LHFPL6: variants seen among roughly 807,000 people sequenced by gnomAD.
LHFPL6 encodes the protein LHFPL tetraspan subfamily member 6, also known as LHFPL tetraspan subfamily member 6 protein.
In LHFPL6, 9 loss-of-function variants were observed where a neutral mutation model predicts 20.6. The observed-to-expected ratio is 0.44, with a 90% confidence interval of 0.26 to 0.76. LHFPL6 has a LOEUF of 0.76. Ranked by LOEUF, LHFPL6 falls within the 30% of genes least tolerant of loss-of-function variation. LHFPL6 has a pLI of 0.20. For synonymous variants in LHFPL6, 105 were observed against 98.7 expected, an observed-to-expected ratio of 1.06 and a Z score of -0.38; for missense variants, 218 against 253.5, an observed-to-expected ratio of 0.86 and a Z score of 0.95.
chr13:39,546,209 T>C (rs1198888892), intron 2 of LHFPL6, among the ~76,000 whole-genome samples: 1 of 152,090 alleles, frequency 6.6e-6, no homozygotes, highest in Non-Finnish European at 1.5e-5. Flanking sequence ...TGGGGCCAGA[T>C]GACCTAGCTA....
intron 2 of LHFPL6, among the ~76,000 whole-genome samples, chr13:39,514,452 A>T (rs1869833089): frequency 6.6e-6 from 1 of 152,210 alleles, no homozygotes; most frequent in African/African-American, 2.4e-5. Context: ...TGGCATCAAC[A>T]CAGGTCCCTA....
At chr13:39,439,159 C>T (rs1872047594) in intron 2 of LHFPL6, among the ~76,000 whole-genome samples, 1 of 152,186 alleles carries the variant, frequency 6.6e-6, no homozygotes, top group African/African-American at 2.4e-5. Flanking sequence ...GTGGAATGGC[C>T]CAAGGCTTTG....
chr13:39,558,425 T>C (rs140937102), intron 2 of LHFPL6, among the ~76,000 whole-genome samples: 9 of 152,350 alleles, frequency 5.9e-5, no homozygotes, highest in Middle Eastern at 3.4e-3. Context: ...CAAAGTTCAA[T>C]AGGACATTTT....
intron 2 of LHFPL6, among the ~76,000 whole-genome samples, chr13:39,487,297 C>A (rs1309571703): frequency 1.3e-5 from 2 of 152,120 alleles, no homozygotes; most frequent in South Asian, 2.1e-4. Flanking sequence ...TTTTATAGTG[C>A]CTTTTTGGCT....
At position 39,451,982 on chromosome 13, in the gene LHFPL6, AT is replaced by A. The variant is rs1334648021; in HGVS notation, c.386-73457del. Among the ~76,000 whole-genome samples, 3 of 152,270 alleles carry A rather than the reference AT, an allele frequency of 2.0e-5. No homozygotes were observed. In the South Asian group the frequency reaches 6.2e-4, roughly 32 times the overall value. The stretch of plus-strand genomic sequence containing the variant: ...CGTGCATAAGACAAGCTTAAAAACT[AT>A]TTTTGGACCAGGGCCATGAACTGAA... On this transcript the variant is annotated intron_variant, in intron 2 of 3. Coordinates refer to ENST00000379589, the MANE Select transcript of LHFPL6 (RefSeq NM_005780.3).
intron 2 of LHFPL6, among the ~76,000 whole-genome samples, chr13:39,517,668 G>A (rs1426931316): frequency 6.6e-6 from 1 of 152,072 alleles, no homozygotes; most frequent in African/African-American, 2.4e-5. Flanking sequence ...CAGTTTCCAT[G>A]TACACCTTTT....
At position 39,374,106 on chromosome 13, in the gene LHFPL6, C is replaced by G. The variant is rs150616875; in HGVS notation, c.484+4322G>C. On this transcript the variant is annotated intron_variant, in intron 3 of 3. Coordinates refer to ENST00000379589, the MANE Select transcript of LHFPL6 (RefSeq NM_005780.3). ...TTCATCAAAGTACTCTTCACAATAGCAAGGACATGGAATTAACCTAGGTGT... is the reference window on the plus strand; with the variant it reads ...TTCATCAAAGTACTCTTCACAATAGGAAGGACATGGAATTAACCTAGGTGT... 4.6e-5 allele frequency among the ~76,000 whole-genome samples: 7 copies of G among 152,172 alleles called. No homozygotes were observed. In the East Asian group the frequency reaches 1.4e-3, roughly 29 times the overall value.
chr13:39,343,686 C>T lies in LHFPL6; in HGVS notation c.*250G>A, dbSNP rs930028828. 1.7e-5 allele frequency: 7 copies of T among 412,350 alleles called. No individual in the cohort carries two copies. Among genetic ancestry groups the T allele is most frequent in the Middle Eastern group, 6.2e-4 (1 of 1,612 alleles). The allele number at this position is 412,350 out of a possible 1,614,324, so 25.5% of individuals were successfully genotyped here. A position where few individuals can be genotyped will look rare whatever the true frequency, so the allele number is the denominator to read the frequency against. On this transcript the variant is annotated 3_prime_UTR_variant, in exon 4 of 4. Coordinates refer to ENST00000379589, the MANE Select transcript of LHFPL6 (RefSeq NM_005780.3). ...CAATACTCTGTGGAATAGAAACACC[C>T]GATGCCCTGCAATATTTTTAGCCTT...
chr13:39,440,177 T>A (rs1248252970), intron 2 of LHFPL6, among the ~76,000 whole-genome samples: 1 of 152,180 alleles, frequency 6.6e-6, no homozygotes, highest in Non-Finnish European at 1.5e-5. Context: ...CTGGAGAGAT[T>A]GTGCAATGAT....
At chr13:39,474,545 C>G (rs1438469521) in intron 2 of LHFPL6, among the ~76,000 whole-genome samples, 2 of 151,994 alleles carry the variant, frequency 1.3e-5, no homozygotes, top group Non-Finnish European at 2.9e-5. Flanking sequence ...GTTTCCTCAC[C>G]TTTTTTCTTA....
At chr13:39,592,193 G>A (rs1475731390) in intron 2 of LHFPL6, among the ~76,000 whole-genome samples, 2 of 151,358 alleles carry the variant, frequency 1.3e-5, no homozygotes, top group Admixed American at 6.6e-5. Flanking sequence ...CCCACGTTAA[G>A]GCTTAGAAAA....
chr13:39,557,746 G>GT (rs1371955777), intron 2 of LHFPL6, among the ~76,000 whole-genome samples: 1 of 152,248 alleles, frequency 6.6e-6, no homozygotes, highest in African/African-American at 2.4e-5. Flanking sequence ...GTGTCGGATA[G>GT]TAACACTTGA....
chr13:39,345,820 G>A (rs1869386279), intron 3 of LHFPL6, among the ~76,000 whole-genome samples: 1 of 152,156 alleles, frequency 6.6e-6, no homozygotes, highest in African/African-American at 2.4e-5. Flanking sequence ...CTAAAAGCTT[G>A]CTATGTAAAG....
intron 2 of LHFPL6, among the ~76,000 whole-genome samples, chr13:39,557,731 G>A (rs1871349420): frequency 6.6e-6 from 1 of 152,222 alleles, no homozygotes; most frequent in Non-Finnish European, 1.5e-5. Flanking sequence ...GAGGCCTCAT[G>A]GGAGGTGTCG....
At chr13:39,383,333 G>A (rs145649347) in intron 2 of LHFPL6, among the ~76,000 whole-genome samples, 1 of 152,206 alleles carries the variant, frequency 6.6e-6, no homozygotes. Flanking sequence ...AGGGAGCACA[G>A]GTCCAAAGAG....
intron 2 of LHFPL6, among the ~76,000 whole-genome samples, chr13:39,526,323 A>C (rs7317674): frequency 0.19 from 29,614 of 152,058 alleles, 2,991 homozygotes; most frequent in South Asian, 0.35. Context: ...AGATACAGAT[A>C]TACATGATAC....
intron 2 of LHFPL6, among the ~76,000 whole-genome samples, chr13:39,573,617 T>G (rs1164801717): frequency 2.0e-5 from 3 of 152,152 alleles, no homozygotes; most frequent in African/African-American, 7.2e-5. Context: ...CAAAATACTT[T>G]CGGTTTAACA....
At chr13:39,425,203 A>C (rs1871607035) in intron 2 of LHFPL6, among the ~76,000 whole-genome samples, 1 of 152,228 alleles carries the variant, frequency 6.6e-6, no homozygotes, top group African/African-American at 2.4e-5. Flanking sequence ...TCTTTCACTC[A>C]GCATAATGAT....
intron 2 of LHFPL6, among the ~76,000 whole-genome samples, chr13:39,482,665 G>C (rs549014887): frequency 7.9e-5 from 12 of 152,278 alleles, no homozygotes; most frequent in African/African-American, 2.9e-4. Flanking sequence ...CAAAACTGAG[G>C]TCATAGGTAA....
Sources: gnomAD v4.1 joint callset for allele counts (sites outside exome capture counted in the v4.1 genomes callset) on GRCh38, gnomAD v4.1.1 for gene constraint, MANE v1.5 for transcripts, NCBI Gene and HGNC (gene_info 2026-07-23, HGNC 2026-07-21) for gene names.